Variants in SULT1B1 observed in about 807,000 individuals in gnomAD.
SULT1B1 encodes the protein sulfotransferase 1B1.
In SULT1B1, 28 loss-of-function variants were observed where a neutral mutation model predicts 34.6. The ratio of observed to expected loss-of-function variants is 0.81; its 90% CI spans 0.60 to 1.11. The LOEUF (loss-of-function observed/expected upper bound fraction) is 1.11. SULT1B1 is among the 50% of genes least tolerant of loss of function. The pLI is 0.00. For missense variants in SULT1B1, 374 were observed against 352.2 expected, an observed-to-expected ratio of 1.06 and a Z score of -0.50; for synonymous variants, 147 against 110.2, an observed-to-expected ratio of 1.33 and a Z score of -2.09.
At chr4:69,757,390 G>T (rs931952504) in intron 1 of SULT1B1, among the ~76,000 whole-genome samples, 2 of 152,112 alleles carry the variant, frequency 1.3e-5, no homozygotes, top group Non-Finnish European at 2.9e-5. Flanking sequence ...AAGTATAATA[G>T]TTTCTGGTAA....
chr4:69,725,466 T>A lies in SULT1B1; in HGVS notation c.*1622A>T, dbSNP rs1717799215. ...ACCATTGTGGAAGACAGTGTGGCAA[T>A]TCCTCAGAGATCTAGAACTAGAAAT... is the stretch of plus-strand genomic sequence containing the variant. On this transcript the variant is annotated 3_prime_UTR_variant, in exon 8 of 8. Coordinates refer to ENST00000310613, the MANE Select transcript of SULT1B1 (RefSeq NM_014465.4). The A allele has an allele frequency of 6.6e-6, 1 of 152,204 alleles. No individual in the cohort carries two copies. Among genetic ancestry groups the A allele is most frequent in the African/African-American group, 2.4e-5 (1 of 41,452 alleles). 9.4% of individuals were successfully genotyped at this position (152,204 alleles called of 1,614,324 possible).
At chr4:69,733,741 T>C (rs1718181279) in intron 5 of SULT1B1, among the ~76,000 whole-genome samples, 1 of 152,102 alleles carries the variant, frequency 6.6e-6, no homozygotes, top group South Asian at 2.1e-4. Context: ...CTCCAAAAAG[T>C]TATACTTAGT....
chr4:69,752,943 C>G (rs1310681729), intron 3 of SULT1B1, among the ~76,000 whole-genome samples: 1 of 152,070 alleles, frequency 6.6e-6, no homozygotes, highest in African/African-American at 2.4e-5. Context: ...TTTTCAGTTT[C>G]CTTTGCTAGC....
intron 7 of SULT1B1, among the ~76,000 whole-genome samples, chr4:69,729,151 T>A (rs375304531): frequency 6.6e-6 from 1 of 152,100 alleles, no homozygotes; most frequent in Admixed American, 6.6e-5. Context: ...CCTTGTTTAA[T>A]AAAGATTTAT....
Position 69,734,171 on chromosome 4 carries a change from C to T in SULT1B1, c.469G>A (p.Glu157Lys), listed in dbSNP as rs1718200567. 1 of 1,611,656 alleles carries T rather than the reference C, an allele frequency of 6.2e-7. No homozygotes were observed. The highest frequency in any genetic ancestry group is 1.3e-5 in the African/African-American group (1 of 74,838). ...GTTAAGAATTTCTCCAGATATTCTT[C>T]CCAGGTACCAGGAAAAGGCTGTAAA... Reference protein sequence around the residue: ...NNLQPFPGTWEEYLEKFLTGK... With the variant: ...NNLQPFPGTWKEYLEKFLTGK... The change falls in exon 5 of 8, where the codon GAA becomes AAA. Residue 157 changes from glutamate to lysine, a missense_variant. By Grantham distance (56) the Glu-to-Lys change is moderately conservative. Transcript: ENST00000310613.
intron 1 of SULT1B1, chr4:69,758,518 A>G: frequency 2.1e-6 from 2 of 970,172 alleles, no homozygotes; most frequent in South Asian, 4.8e-5. Context: ...GGCACACCTC[A>G]TTTCAAAAAT....
At chr4:69,750,003 T>C (rs942424759) in intron 3 of SULT1B1, among the ~76,000 whole-genome samples, 185 bp from the exon 4 acceptor site, 1 of 152,168 alleles carries the variant, frequency 6.6e-6, no homozygotes. Context: ...GGATACACAT[T>C]CTGAGGTTAG....
At chr4:69,735,044 TC>T (rs1718248310) in intron 4 of SULT1B1, among the ~76,000 whole-genome samples, 1 of 152,060 alleles carries the variant, frequency 6.6e-6, no homozygotes, top group African/African-American at 2.4e-5. Context: ...GGTCTCGATC[TC>T]CTGAGCTCAT....
At position 69,721,727 on chromosome 4, in the gene SULT1B1, A is replaced by G. The variant is rs908658611; in HGVS notation, c.*5361T>C. 2.6e-5 allele frequency: 4 copies of G among 152,172 alleles called. No individual in the cohort carries two copies. Among genetic ancestry groups the G allele is most frequent in the African/African-American group, 9.6e-5 (4 of 41,462 alleles). 9.4% of individuals were successfully genotyped at this position (152,172 alleles called of 1,614,324 possible). On this transcript the variant is annotated 3_prime_UTR_variant, in exon 8 of 8. Coordinates refer to ENST00000310613, the MANE Select transcript of SULT1B1 (RefSeq NM_014465.4). ...TTTGAATGTATGAATCTGAGTGTCT[A>G]TCCATGTCATGATGAAAAGTTCTTG...
At chr4:69,737,160 T>A (rs576398947) in intron 4 of SULT1B1, among the ~76,000 whole-genome samples, 70 of 152,248 alleles carry the variant, frequency 4.6e-4, no homozygotes, top group African/African-American at 1.7e-3. Flanking sequence ...AAGTTTCTCA[T>A]CTAAAACCAT....
chr4:69,732,990 G>A (rs2110018376), intron 6 of SULT1B1, among the ~76,000 whole-genome samples: 1 of 152,206 alleles, frequency 6.6e-6, no homozygotes, highest in Middle Eastern at 3.4e-3. Flanking sequence ...AATCGAGGTA[G>A]AAGTGAAAAT....
Position 69,721,213 on chromosome 4 carries a change from A to G in SULT1B1, c.*5875T>C, listed in dbSNP as rs1252123310. 1.3e-5 allele frequency: 2 copies of G among 152,194 alleles called. No homozygotes were observed. Among genetic ancestry groups the G allele is most frequent in the Non-Finnish European group, 2.9e-5 (2 of 68,024 alleles). The allele number at this position is 152,194 out of a possible 1,614,324, so 9.4% of individuals were successfully genotyped here. On this transcript the variant is annotated 3_prime_UTR_variant, in exon 8 of 8. Coordinates refer to ENST00000310613, the MANE Select transcript of SULT1B1 (RefSeq NM_014465.4). Reference sequence around the variant, plus strand: ...GAATTCATTAAGTGGCAGTTAAAAAAGGATTACTTCACTGCTGAAAGTAAT... The same window carrying G: ...GAATTCATTAAGTGGCAGTTAAAAAGGGATTACTTCACTGCTGAAAGTAAT...
At chr4:69,741,984 C>T (rs1718570067) in intron 4 of SULT1B1, among the ~76,000 whole-genome samples, 1 of 152,030 alleles carries the variant, frequency 6.6e-6, no homozygotes, top group Admixed American at 6.6e-5. Flanking sequence ...ATGCTTTTAA[C>T]TTTTTCCTGT....
chr4:69,735,562 G>A (rs1718269577), intron 4 of SULT1B1, among the ~76,000 whole-genome samples: 1 of 152,144 alleles, frequency 6.6e-6, no homozygotes. Flanking sequence ...GTTTCTCCCA[G>A]GCCCGAAGGC....
chr4:69,733,056 G>A (rs1025402953), intron 6 of SULT1B1, among the ~76,000 whole-genome samples: 2 of 152,016 alleles, frequency 1.3e-5, no homozygotes, highest in Admixed American at 6.6e-5. Context: ...CAATAAGCGT[G>A]GAAGGGGTAA....
At chr4:69,742,817 C>T (rs994679727) in intron 4 of SULT1B1, among the ~76,000 whole-genome samples, 5 of 152,230 alleles carry the variant, frequency 3.3e-5, no homozygotes, top group Non-Finnish European at 7.3e-5. Context: ...CTGGCCATTG[C>T]GCAGAGCCCG....
chr4:69,735,626 ACCTTATACT>A (rs756837788), intron 4 of SULT1B1, among the ~76,000 whole-genome samples: 2 of 152,234 alleles, frequency 1.3e-5, no homozygotes, highest in Non-Finnish European at 2.9e-5. Context: ...CCAGGAAAGT[ACCTTATACT>A]CCTTTTATGT....
chr4:69,758,425 A>G, intron 1 of SULT1B1: 1 of 985,298 alleles, frequency 1.0e-6, no homozygotes, highest in Non-Finnish European at 1.2e-6. Context: ...ATGATGAATG[A>G]AATAGCTCTT....
At chr4:69,750,602 T>G (rs908942382) in intron 3 of SULT1B1, among the ~76,000 whole-genome samples, 11 of 152,216 alleles carry the variant, frequency 7.2e-5, no homozygotes, top group African/African-American at 2.7e-4. Flanking sequence ...TCTGACTCAC[T>G]CATTGAAAAC....
Sources: gnomAD v4.1 joint callset for allele counts (sites outside exome capture counted in the v4.1 genomes callset) on GRCh38, gnomAD v4.1.1 for gene constraint, MANE v1.5 for transcripts, NCBI Gene and HGNC (gene_info 2026-07-23, HGNC 2026-07-21) for gene names.